HTR4: variants seen among roughly 807,000 people sequenced by gnomAD.
The protein encoded by HTR4 is 5-hydroxytryptamine receptor 4.
In HTR4, 16 loss-of-function variants were observed where a neutral mutation model predicts 36.8. That is an observed-to-expected ratio of 0.43 (90% CI 0.29 to 0.66). The LOEUF is 0.66. Among genes scored for constraint, HTR4 ranks in the 30% least tolerant of loss-of-function variants. The pLI is 0.13. For synonymous variants in HTR4, 189 were observed against 185.1 expected (o/e 1.02, Z -0.17); for missense variants, 438 against 490.9 (o/e 0.89, Z 1.02).
intron 4 of HTR4, among the ~76,000 whole-genome samples, chr5:148,529,674 C>A (rs189344364): frequency 5.3e-5 from 8 of 152,032 alleles, no homozygotes; most frequent in Non-Finnish European, 7.4e-5. Flanking sequence ...AAAAGATAAC[C>A]GAAAATGTGG....
intron 4 of HTR4, among the ~76,000 whole-genome samples, chr5:148,526,006 G>A (rs548487811): frequency 1.1e-4 from 16 of 152,256 alleles, no homozygotes; most frequent in African/African-American, 3.6e-4. Flanking sequence ...CATAAGCCAA[G>A]GAACACTTAA....
chr5:148,506,594 G>A (rs4554204), intron 6 of HTR4, among the ~76,000 whole-genome samples: 67,776 of 150,694 alleles, frequency 0.45, 15,410 homozygotes, highest in African/African-American at 0.55. Flanking sequence ...GCAACCTACA[G>A]AATGGGAGAA....
intron 5 of HTR4, among the ~76,000 whole-genome samples, chr5:148,467,376 G>GT (rs1228549776): frequency 6.6e-6 from 1 of 152,018 alleles, no homozygotes. Flanking sequence ...ACAATGGTGG[G>GT]TTTTTTTGGA....
downstream of HTR4, among the ~76,000 whole-genome samples, chr5:148,473,536 T>A (rs1013455527): frequency 6.6e-6 from 1 of 152,224 alleles, no homozygotes; most frequent in African/African-American, 2.4e-5. Context: ...TAGAATATAG[T>A]ATCTTAGTGA....
At chr5:148,511,622 T>C (rs1386181227) in intron 5 of HTR4, among the ~76,000 whole-genome samples, 1 of 139,332 alleles carries the variant, frequency 7.2e-6, no homozygotes. Flanking sequence ...TGGAAGTTTG[T>C]GTGTGTGTGT....
At chr5:148,608,457 A>G (rs1266050499) in intron 2 of HTR4, among the ~76,000 whole-genome samples, 3 of 152,246 alleles carry the variant, frequency 2.0e-5, no homozygotes, top group African/African-American at 4.8e-5. Flanking sequence ...TGCTCTCAGT[A>G]GCAAGAGAAT....
At chr5:148,604,151 C>T (rs1231583167) in intron 2 of HTR4, among the ~76,000 whole-genome samples, 1 of 152,082 alleles carries the variant, frequency 6.6e-6, no homozygotes, top group Non-Finnish European at 1.5e-5. Flanking sequence ...CAAAAAGGCA[C>T]TAACCATAAT....
At chr5:148,540,623 G>C (rs896231138) in intron 4 of HTR4, among the ~76,000 whole-genome samples, 1 of 151,840 alleles carries the variant, frequency 6.6e-6, no homozygotes, top group Non-Finnish European at 1.5e-5. Context: ...ATGTGGAAGA[G>C]GATATAGTAT....
intron 2 of HTR4, among the ~76,000 whole-genome samples, chr5:148,608,005 G>A (rs188127960): frequency 4.6e-5 from 7 of 152,256 alleles, no homozygotes; most frequent in Admixed American, 4.6e-4. Flanking sequence ...GATGAGGAAT[G>A]GTGCAGGAGC....
chr5:148,606,622 C>A (rs1023281015), intron 2 of HTR4, among the ~76,000 whole-genome samples: 3 of 152,020 alleles, frequency 2.0e-5, no homozygotes, highest in Non-Finnish European at 2.9e-5. Context: ...ATGTTAGCTG[C>A]CATTATTATT....
chr5:148,591,126 A>G (rs1761551258), intron 2 of HTR4, among the ~76,000 whole-genome samples: 1 of 152,192 alleles, frequency 6.6e-6, no homozygotes, highest in Non-Finnish European at 1.5e-5. Context: ...TTTGTCAAAT[A>G]TCATATGGTC....
chr5:148,531,877 G>T (rs778631548), intron 4 of HTR4, among the ~76,000 whole-genome samples: 46 of 152,124 alleles, frequency 3.0e-4, no homozygotes, highest in Non-Finnish European at 3.4e-4. Context: ...GGGTGACTTT[G>T]CTCACCAGGG....
At chr5:148,579,346 A>G (rs978779735) in intron 2 of HTR4, among the ~76,000 whole-genome samples, 1 of 152,032 alleles carries the variant, frequency 6.6e-6, no homozygotes, top group Admixed American at 6.6e-5. Flanking sequence ...CAGTTAGTCT[A>G]CTTCTCACCT....
intron 6 of HTR4, among the ~76,000 whole-genome samples, chr5:148,502,593 T>A (rs1561581410): frequency 6.6e-6 from 1 of 152,072 alleles, no homozygotes; most frequent in African/African-American, 2.4e-5. Flanking sequence ...AGAGCACCTC[T>A]CCCCCTACAA....
chr5:148,589,054 A>G (rs1031615672), intron 2 of HTR4, among the ~76,000 whole-genome samples: 2 of 152,114 alleles, frequency 1.3e-5, no homozygotes, highest in African/African-American at 4.8e-5. Context: ...ATCTTAATCG[A>G]TACTCCACTA....
At chr5:148,586,160 C>T (rs1273263422) in intron 2 of HTR4, among the ~76,000 whole-genome samples, 1 of 152,078 alleles carries the variant, frequency 6.6e-6, no homozygotes, top group Non-Finnish European at 1.5e-5. Flanking sequence ...ACCTTATCTG[C>T]CTTGCTCACT....
chr5:148,477,786 T>TG (rs1356687396), downstream of HTR4, among the ~76,000 whole-genome samples: 1 of 152,214 alleles, frequency 6.6e-6, no homozygotes, highest in Non-Finnish European at 1.5e-5. Flanking sequence ...TTAATTAGGC[T>TG]GTACTGGCTA....
intron 6 of HTR4, among the ~76,000 whole-genome samples, chr5:148,496,273 C>T (rs1326959872): frequency 1.3e-5 from 2 of 151,960 alleles, no homozygotes; most frequent in African/African-American, 2.4e-5. Context: ...ATTTACAAGC[C>T]CTGCACTGAT....
At chr5:148,531,878 C>T (rs1271963902) in intron 4 of HTR4, among the ~76,000 whole-genome samples, 1 of 152,116 alleles carries the variant, frequency 6.6e-6, no homozygotes, top group African/African-American at 2.4e-5. Context: ...GGTGACTTTG[C>T]TCACCAGGGG....
Sources: gnomAD v4.1 joint callset for allele counts (sites outside exome capture counted in the v4.1 genomes callset) on GRCh38, gnomAD v4.1.1 for gene constraint, MANE v1.5 for transcripts, NCBI Gene and HGNC (gene_info 2026-07-23, HGNC 2026-07-21) for gene names.